NT5DC3: variants seen among roughly 807,000 people sequenced by gnomAD.
NT5DC3 encodes 5'-nucleotidase domain containing 3.
NT5DC3 carries 42 observed loss-of-function variants against 67.8 expected under a neutral mutation model. The ratio of observed to expected loss-of-function variants is 0.62; its 90% CI spans 0.48 to 0.80. NT5DC3 has a LOEUF of 0.80. Ranked by LOEUF, NT5DC3 falls within the 30% of genes least tolerant of loss-of-function variation. NT5DC3 has a pLI of 0.00. For synonymous variants in NT5DC3, 237 were observed against 255.6 expected (o/e 0.93, Z 0.69); for missense variants, 570 against 696.4 (o/e 0.82, Z 2.04).
the NT5DC3 span, chr12:103,753,401 G>A: frequency 2.5e-5 from 41 of 1,612,476 alleles, no homozygotes; most frequent in South Asian, 9.9e-5. Flanking sequence ...CTGCAGGGGC[G>A]GAAGTGCAGC....
At chr12:103,810,168 C>T (rs1269931266) in intron 2 of NT5DC3, among the ~76,000 whole-genome samples, 1 of 152,206 alleles carries the variant, frequency 6.6e-6, no homozygotes, top group Non-Finnish European at 1.5e-5. Flanking sequence ...TCCTGTATGA[C>T]TTTAGGTAAG....
chr12:103,752,873 A>C, the NT5DC3 span, among the ~76,000 whole-genome samples: 1 of 152,242 alleles, frequency 6.6e-6, no homozygotes. Context: ...AAATTATATC[A>C]AATTAAAAAT....
intron 6 of NT5DC3, among the ~76,000 whole-genome samples, chr12:103,794,805 C>T (rs1886241027): frequency 6.6e-6 from 1 of 152,244 alleles, no homozygotes; most frequent in Admixed American, 6.5e-5. Flanking sequence ...GAGATTGTAG[C>T]TCAGGCAGAG....
chr12:103,749,467 G>C, the NT5DC3 span, among the ~76,000 whole-genome samples: 1 of 152,116 alleles, frequency 6.6e-6, no homozygotes, highest in Non-Finnish European at 1.5e-5. Flanking sequence ...TGGGTAGAGA[G>C]TATAGGAGAG....
intron 1 of NT5DC3, among the ~76,000 whole-genome samples, chr12:103,836,877 G>A (rs760818563): frequency 4.6e-5 from 7 of 152,090 alleles, no homozygotes; most frequent in Non-Finnish European, 8.8e-5. Context: ...GCAAGCTGTC[G>A]GTGGATCTAC....
the NT5DC3 span, among the ~76,000 whole-genome samples, chr12:103,758,564 TGA>T: frequency 6.6e-6 from 1 of 151,922 alleles, no homozygotes; most frequent in Non-Finnish European, 1.5e-5. Context: ...TGGCAGGGAG[TGA>T]GAGAGGCGAG....
the NT5DC3 span, chr12:103,763,426 C>T: frequency 6.8e-7 from 1 of 1,467,134 alleles, no homozygotes; most frequent in Non-Finnish European, 9.5e-7. Flanking sequence ...GCTTTACCTG[C>T]CAACTTGGCT....
chr12:103,823,288 G>A (rs1003977532), intron 1 of NT5DC3, among the ~76,000 whole-genome samples: 7 of 151,036 alleles, frequency 4.6e-5, no homozygotes, highest in Admixed American at 6.6e-5. Flanking sequence ...GAGGCTTTCC[G>A]TGAATCTCCC....
At chr12:103,770,079 T>C (rs1470815005), downstream of NT5DC3, among the ~76,000 whole-genome samples, 2 of 152,222 alleles carry the variant, frequency 1.3e-5, no homozygotes, top group Non-Finnish European at 2.9e-5. Context: ...CTTGGCGACA[T>C]GAAAAGTAAT....
At chr12:103,793,578 TA>T in intron 7 of NT5DC3, 66 bp from the exon 8 acceptor site, 1 of 1,173,014 alleles carries the variant, frequency 8.5e-7, no homozygotes. Context: ...AAGTACTTTC[TA>T]AATGGGGGTT....
downstream of NT5DC3, chr12:103,766,295 G>GAAC (rs1566090319): frequency 3.1e-6 from 5 of 1,614,020 alleles, no homozygotes; most frequent in Admixed American, 6.7e-5. Flanking sequence ...GGACTCTGAA[G>GAAC]AACGGCAGCT....
At chr12:103,763,412 G>T in the NT5DC3 span, 2 of 1,230,308 alleles carry the variant, frequency 1.6e-6, no homozygotes, top group African/African-American at 3.0e-5. Context: ...GCAAAGGGTG[G>T]CTTGCTTTAC....
At chr12:103,779,373 A>C (rs774310288) in intron 13 of NT5DC3, among the ~76,000 whole-genome samples, 16 of 152,212 alleles carry the variant, frequency 1.1e-4, no homozygotes, top group Non-Finnish European at 2.1e-4. Context: ...TTTGACTGCT[A>C]ATAAGTCATT....
chr12:103,815,953 GAA>G (rs550330825), intron 1 of NT5DC3, among the ~76,000 whole-genome samples: 1 of 151,940 alleles, frequency 6.6e-6, no homozygotes. Flanking sequence ...TCACCACCCA[GAA>G]AAAAACTACT....
intron 1 of NT5DC3, among the ~76,000 whole-genome samples, chr12:103,836,067 C>T (rs909480811): frequency 1.1e-4 from 17 of 152,148 alleles, no homozygotes; most frequent in African/African-American, 4.1e-4. Flanking sequence ...GACCAGCCCC[C>T]ATGATTCAAT....
chr12:103,749,235 C>A, the NT5DC3 span: 1 of 1,417,632 alleles, frequency 7.1e-7, no homozygotes, highest in South Asian at 1.4e-5. Context: ...CTCCCATACT[C>A]TGCTTATCTC....
chr12:103,801,372 CTTTTTTTTTTTTTTT>C (rs869237844), intron 4 of NT5DC3, among the ~76,000 whole-genome samples: 14 of 78,946 alleles, frequency 1.8e-4, no homozygotes, highest in Non-Finnish European at 3.3e-4. Flanking sequence ...TTGGGGTGGG[CTTTTTTTTTTTTTTT>C]TTTTTTTTTT....
rs757960962 is a variant in NT5DC3 at position 103,785,477 on chromosome 12, T to C, written c.1189-2A>G. 1.9e-6 allele frequency: 3 copies of C among 1,613,834 alleles called. No homozygotes were observed. The highest frequency in any genetic ancestry group is 2.2e-5 in the East Asian group (1 of 44,882). ...CCAGCCATGCTTTAGGGTCAAATCC[T>C]GATCACAAAGATCACGAAAAGTCAA... is the stretch of plus-strand genomic sequence containing the variant. On this transcript the variant is annotated splice_acceptor_variant, in intron 11 of 13. Transcript: ENST00000392876. LOFTEE classifies it high-confidence loss of function.
intron 11 of NT5DC3, among the ~76,000 whole-genome samples, chr12:103,786,709 G>T (rs1276347936): frequency 2.4e-5 from 3 of 123,296 alleles, no homozygotes; most frequent in East Asian, 6.9e-4. Flanking sequence ...TTGAGGCAGG[G>T]TCTCACTCTG....
Sources: allele counts gnomAD v4.1 joint callset (sites outside exome capture counted in the v4.1 genomes callset), GRCh38; gene constraint gnomAD v4.1.1; transcripts MANE v1.5; gene names NCBI Gene and HGNC (gene_info 2026-07-23, HGNC 2026-07-21).